The following UBE3C variants were observed in gnomAD, a reference collection of about 807,000 sequenced individuals.
The protein encoded by UBE3C is ubiquitin protein ligase E3C.
UBE3C carries 42 observed loss-of-function variants against 129.4 expected under a neutral mutation model. The ratio of observed to expected loss-of-function variants is 0.32; its 90% confidence interval spans 0.25 to 0.42. The LOEUF is 0.42. Among genes scored for constraint, UBE3C ranks in the 10% least tolerant of loss-of-function variants. UBE3C has a pLI of 1.00. For missense variants in UBE3C, 1,049 were observed against 1,319.1 expected, an observed-to-expected ratio of 0.80 and a Z score of 3.17; for synonymous variants, 510 against 492.4, an observed-to-expected ratio of 1.04 and a Z score of -0.47.
At chr7:157,245,813 A>G (rs1166110139) in intron 18 of UBE3C, among the ~76,000 whole-genome samples, 1 of 152,082 alleles carries the variant, frequency 6.6e-6, no homozygotes, top group Non-Finnish European at 1.5e-5. Flanking sequence ...CAATATGGTG[A>G]AACTCCATCT....
At chr7:157,167,788 G>A (rs904348793) in intron 2 of UBE3C, among the ~76,000 whole-genome samples, 14 of 151,050 alleles carry the variant, frequency 9.3e-5, no homozygotes, top group Admixed American at 1.3e-4. Context: ...CTCCTGCCTC[G>A]GCCTCCCAAA....
At chr7:157,264,604 A>G (rs549530172) in intron 22 of UBE3C, among the ~76,000 whole-genome samples, 1 of 152,182 alleles carries the variant, frequency 6.6e-6, no homozygotes, top group African/African-American at 2.4e-5. Context: ...TTTTTAAGAC[A>G]GAGTTTCACT....
At chr7:157,182,489 G>T (rs1253654388) in intron 8 of UBE3C, among the ~76,000 whole-genome samples, 161 bp downstream of exon 8, 1 of 152,144 alleles carries the variant, frequency 6.6e-6, no homozygotes, top group African/African-American at 2.4e-5. Flanking sequence ...TGTTCCTGGG[G>T]ACAGTTTCCA....
In UBE3C at chr7:157,231,270, G is replaced by T. The variant is rs751033800; in HGVS notation, c.2424G>T (p.Met808Ile). 1.2e-6 allele frequency: 2 copies of T among 1,614,056 alleles called. No individual in the cohort carries two copies. Among genetic ancestry groups the T allele is most frequent in the Non-Finnish European group, 1.7e-6 (2 of 1,180,046 alleles). ...GLLYPNPAAQ[M>I]LVGDSFARHY... ...TGTACCCCAACCCGGCTGCTCAGAT[G>T]CTTGTGGGAGATTCTTTTGCCAGAC... The change falls in exon 18 of 23, where the codon ATG becomes ATT. Residue 808 changes from methionine to isoleucine, a missense_variant. Physicochemically the swap from Met to Ile is conservative, Grantham distance 10. Coordinates refer to ENST00000348165, the MANE Select transcript of UBE3C (RefSeq NM_014671.3).
At position 157,180,153 on chromosome 7, in the gene UBE3C, ACTTT is replaced by A. The variant is rs750340355; in HGVS notation, c.616+1309_616+1312del. On this transcript the variant is annotated intron_variant, in intron 6 of 22. Coordinates refer to ENST00000348165, the MANE Select transcript of UBE3C (RefSeq NM_014671.3). ...ATCTTCTGTGGTACAGCAGTTGTTT[ACTTT>A]CTAACAGTCGATAAAATTTTAGCCT... 8.5e-5 allele frequency among the ~76,000 whole-genome samples: 13 copies of A among 152,202 alleles called. 1 individual carries two copies. The highest frequency in any genetic ancestry group is 1.5e-5 in the Non-Finnish European group (1 of 68,028).
intron 17 of UBE3C, among the ~76,000 whole-genome samples, chr7:157,226,851 G>T (rs1254602918): frequency 2.6e-5 from 4 of 152,066 alleles, no homozygotes; most frequent in Non-Finnish European, 5.9e-5. Flanking sequence ...ACAGGGCCAG[G>T]TTTGTCTTGC....
At chr7:157,243,689 T>C (rs951294714) in intron 18 of UBE3C, among the ~76,000 whole-genome samples, 6 of 152,116 alleles carry the variant, frequency 3.9e-5, no homozygotes, top group Non-Finnish European at 8.8e-5. Flanking sequence ...TTGCGGGAGT[T>C]GATGGTGTAG....
chr7:157,153,648 C>T (rs1323193028), intron 1 of UBE3C, among the ~76,000 whole-genome samples: 3 of 152,074 alleles, frequency 2.0e-5, no homozygotes, highest in African/African-American at 4.8e-5. Context: ...TAGATTATCA[C>T]GAATCTTCCT....
chr7:157,244,827 C>T (rs10271990), intron 18 of UBE3C, among the ~76,000 whole-genome samples: 26,987 of 152,096 alleles, frequency 0.18, 2,659 homozygotes, highest in East Asian at 0.36. Context: ...TTGAAAAATT[C>T]GTTACAGGTC....
At chr7:157,197,529 C>G in intron 10 of UBE3C, 104 of 722,396 alleles carry the variant, frequency 1.4e-4, no homozygotes, top group Non-Finnish European at 2.0e-4. Flanking sequence ...TTTTTTAATG[C>G]TGGAGGTATT....
rs1052404733 is a variant in UBE3C, at chr7:157,253,933, C to A, written c.2695-21C>A. The stretch of plus-strand genomic sequence containing the variant: ...TATCATACTTTGAGGATTTTGAGAT[C>A]CTTACGTTTTGTATTCCCAGGTAGT... On this transcript the variant is annotated intron_variant, in intron 19 of 22. Transcript: ENST00000348165. 7.1e-6 allele frequency: 11 copies of A among 1,552,572 alleles called. No individual in the cohort carries two copies. In the African/African-American group the frequency reaches 1.4e-4, roughly 19 times the overall value.
chr7:157,243,074 A>ATGG (rs1316847513), intron 18 of UBE3C, among the ~76,000 whole-genome samples: 1 of 152,028 alleles, frequency 6.6e-6, no homozygotes, highest in Non-Finnish European at 1.5e-5. Context: ...AGGAAGCGTC[A>ATGG]ACTCCAAGCT....
chr7:157,196,303 T>G (rs1039201673), intron 10 of UBE3C, among the ~76,000 whole-genome samples: 2 of 152,248 alleles, frequency 1.3e-5, no homozygotes, highest in Non-Finnish European at 2.9e-5. Context: ...ATAATAAATT[T>G]GTGCTATTTT....
intron 18 of UBE3C, among the ~76,000 whole-genome samples, chr7:157,232,687 G>A (rs1482544832): frequency 2.0e-5 from 3 of 152,140 alleles, no homozygotes; most frequent in Non-Finnish European, 4.4e-5. Flanking sequence ...AGAAATTAAT[G>A]TTGCTATTGT....
Position 157,248,350 on chromosome 7 carries a change from C to T in UBE3C, c.2482-18C>T. The T allele has an allele frequency of 6.2e-7, 1 of 1,607,434 alleles. No individual in the cohort carries two copies. ...CTTGTATATTCGATGCTAACGTTGT[C>T]ACTGTTCTCTTTTGAAGGCTCTCTA... is the stretch of plus-strand genomic sequence containing the variant. On this transcript the variant is annotated intron_variant, in intron 18 of 22. Coordinates refer to ENST00000348165, the MANE Select transcript of UBE3C (RefSeq NM_014671.3).
intron 16 of UBE3C, among the ~76,000 whole-genome samples, chr7:157,225,159 T>G (rs538304881): frequency 1.3e-5 from 2 of 152,286 alleles, no homozygotes; most frequent in South Asian, 4.1e-4. Flanking sequence ...TGAGCCAATG[T>G]GCCTGGCCGG....
chr7:157,233,480 A>G (rs867886072), intron 18 of UBE3C, among the ~76,000 whole-genome samples: 1 of 152,050 alleles, frequency 6.6e-6, no homozygotes, highest in Non-Finnish European at 1.5e-5. Flanking sequence ...GGGTCTTGCC[A>G]TGTTGCCCAG....
At chr7:157,188,925 T>G in intron 10 of UBE3C, 3 of 658,476 alleles carry the variant, frequency 4.6e-6, no homozygotes, top group Non-Finnish European at 2.8e-6. Context: ...TGCCATTTAA[T>G]TTCTGTTTAA....
At chr7:157,233,079 T>G (rs1563067477) in intron 18 of UBE3C, among the ~76,000 whole-genome samples, 1 of 151,606 alleles carries the variant, frequency 6.6e-6, no homozygotes, top group Non-Finnish European at 1.5e-5. Context: ...GGCCAACCAC[T>G]AGTCTACTTT....
Sources: gnomAD v4.1 joint callset for allele counts (sites outside exome capture counted in the v4.1 genomes callset) on GRCh38, gnomAD v4.1.1 for gene constraint, MANE v1.5 for transcripts, NCBI Gene and HGNC (gene_info 2026-07-23, HGNC 2026-07-21) for gene names.